VOPP1: variants seen among roughly 807,000 people sequenced by gnomAD.
The protein encoded by VOPP1 is VOPP1 WW domain binding protein.
In VOPP1, 8 loss-of-function variants were observed where a neutral mutation model predicts 23.5. The ratio of observed to expected loss-of-function variants is 0.34; its 90% CI spans 0.20 to 0.61. The LOEUF is 0.61. Ranked by LOEUF, VOPP1 falls within the 20% of genes least tolerant of loss-of-function variation. The pLI is 0.78. For missense variants in VOPP1, 174 were observed against 238.1 expected (o/e 0.73, Z 1.77); for synonymous variants, 83 against 97.3 (o/e 0.85, Z 0.86).
chr7:55,473,113 C>T (rs1791962563), intron 4 of VOPP1, 68 bp from the exon 5 acceptor site: 1 of 1,543,932 alleles, frequency 6.5e-7, no homozygotes, highest in South Asian at 1.3e-5. Context: ...TATGTGCAGG[C>T]TGCAGGGCCA....
intron 4 of VOPP1, among the ~76,000 whole-genome samples, chr7:55,442,231 G>T (rs1041482170): frequency 2.0e-5 from 3 of 152,118 alleles, no homozygotes; most frequent in Non-Finnish European, 4.4e-5. Flanking sequence ...CGGGGCAGAG[G>T]TTCCATCAGA....
chr7:55,475,196 A>C (rs1195311956), intron 4 of VOPP1, among the ~76,000 whole-genome samples: 1 of 152,142 alleles, frequency 6.6e-6, no homozygotes, highest in Non-Finnish European at 1.5e-5. Context: ...GACAGAGAGA[A>C]CTTTCGGGGA....
At chr7:55,516,287 C>G (rs999825369) in intron 2 of VOPP1, among the ~76,000 whole-genome samples, 3 of 152,036 alleles carry the variant, frequency 2.0e-5, no homozygotes, top group Non-Finnish European at 4.4e-5. Flanking sequence ...TGTTCAGATC[C>G]CAAAGGGTCT....
chr7:55,560,883 A>T (rs1797961765), intron 1 of VOPP1, among the ~76,000 whole-genome samples: 1 of 152,092 alleles, frequency 6.6e-6, no homozygotes, highest in Non-Finnish European at 1.5e-5. Context: ...ACACTCAAGA[A>T]ATGACCCTAA....
intron 4 of VOPP1, among the ~76,000 whole-genome samples, chr7:55,460,815 T>G (rs1214671426): frequency 6.6e-6 from 1 of 152,204 alleles, no homozygotes; most frequent in African/African-American, 2.4e-5. Context: ...TTTCCATTTG[T>G]GTGAAATGTG....
chr7:55,531,230 T>C (rs1796478848), intron 1 of VOPP1, among the ~76,000 whole-genome samples: 1 of 152,250 alleles, frequency 6.6e-6, no homozygotes, highest in Non-Finnish European at 1.5e-5. Flanking sequence ...GAAATATCAG[T>C]GCTACTGTTA....
At chr7:55,481,971 C>T (rs557931241) in intron 4 of VOPP1, among the ~76,000 whole-genome samples, 1 of 152,202 alleles carries the variant, frequency 6.6e-6, no homozygotes, top group African/African-American at 2.4e-5. Flanking sequence ...TTTATTTTTA[C>T]ATTTTGATCA....
Position 55,542,687 on chromosome 7 carries a change from G to C in VOPP1, c.55-21557C>G, listed in dbSNP as rs192262024. The stretch of plus-strand genomic sequence containing the variant: ...GCCTACAATCCCAGCTACTTGGGAA[G>C]CTTTAGGCAGGAGAATCACTTGAAC... On this transcript the variant is annotated intron_variant, in intron 1 of 4. Coordinates refer to ENST00000285279, the MANE Select transcript of VOPP1 (RefSeq NM_030796.5). Among the ~76,000 whole-genome samples, 25 of 152,132 alleles carry C rather than the reference G, an allele frequency of 1.6e-4. No homozygotes were observed. The East Asian group carries it at 4.7e-3, about 28-fold the overall frequency.
chr7:55,530,402 G>T (rs889906389), intron 1 of VOPP1, among the ~76,000 whole-genome samples: 8 of 152,134 alleles, frequency 5.3e-5, no homozygotes, highest in African/African-American at 1.9e-4. Flanking sequence ...GCCATACATG[G>T]AATGCCTGTG....
At chr7:55,512,246 T>C (rs1795117915) in intron 2 of VOPP1, among the ~76,000 whole-genome samples, 3 of 152,046 alleles carry the variant, frequency 2.0e-5, no homozygotes, top group Admixed American at 2.0e-4. Context: ...GCCAACATGG[T>C]GAAGCCCCAT....
chr7:55,552,842 C>T lies in VOPP1; in HGVS notation c.54+19429G>A, dbSNP rs185565966. 177 of 1,428,284 alleles carry T rather than the reference C, an allele frequency of 1.2e-4. 1 individual carries two copies. Among genetic ancestry groups the T allele is most frequent in the Admixed American group, 2.8e-4 (10 of 35,360 alleles). 88.5% of individuals were successfully genotyped at this position (1,428,284 alleles called of 1,614,324 possible). On this transcript the variant is annotated intron_variant, in intron 1 of 4. Transcript: ENST00000285279. ...AGCCATGCTCAACCCAGAAAGGTGA[C>T]GGAGCACTATGGCAACACAACAGGA...
chr7:55,467,838 C>T (rs1024470998), downstream of VOPP1, among the ~76,000 whole-genome samples: 10 of 152,224 alleles, frequency 6.6e-5, no homozygotes, highest in African/African-American at 2.4e-4. Flanking sequence ...TAGTATCCAT[C>T]AAACCTGTTC....
At chr7:55,439,673 C>T (rs1790917245) in intron 4 of VOPP1, among the ~76,000 whole-genome samples, 1 of 152,218 alleles carries the variant, frequency 6.6e-6, no homozygotes. Flanking sequence ...GCCAACACCG[C>T]TGTGGGTGAA....
intron 4 of VOPP1, among the ~76,000 whole-genome samples, chr7:55,460,898 AC>A (rs1291457555): frequency 2.0e-5 from 3 of 152,178 alleles, no homozygotes; most frequent in Middle Eastern, 3.2e-3. Context: ...TCTTGATGGC[AC>A]CATATAGTTG....
intron 2 of VOPP1, among the ~76,000 whole-genome samples, chr7:55,518,748 G>A (rs1250102157): frequency 6.6e-6 from 1 of 152,176 alleles, no homozygotes; most frequent in Non-Finnish European, 1.5e-5. Flanking sequence ...GCCCTCATGA[G>A]ATTCACAATA....
At chr7:55,475,769 T>C (rs1583845434) in intron 4 of VOPP1, among the ~76,000 whole-genome samples, 1 of 151,756 alleles carries the variant, frequency 6.6e-6, no homozygotes, top group African/African-American at 2.4e-5. Context: ...CAAGATGGGG[T>C]AGAAAGGGTA....
At chr7:55,480,232 T>A (rs1792601916) in intron 4 of VOPP1, among the ~76,000 whole-genome samples, 1 of 152,250 alleles carries the variant, frequency 6.6e-6, no homozygotes, top group Non-Finnish European at 1.5e-5. Flanking sequence ...TTAAAGACAT[T>A]CTGGGAGATA....
At chr7:55,554,758 C>A (rs930208227) in intron 1 of VOPP1, among the ~76,000 whole-genome samples, 1 of 152,102 alleles carries the variant, frequency 6.6e-6, no homozygotes, top group East Asian at 1.9e-4. Context: ...ACAACTGGGT[C>A]GATAGGGGCT....
chr7:55,533,586 G>T (rs1209886472), intron 1 of VOPP1, among the ~76,000 whole-genome samples: 1 of 152,154 alleles, frequency 6.6e-6, no homozygotes, highest in Non-Finnish European at 1.5e-5. Context: ...TCCGGACCTA[G>T]GGTCTCACTG....
Sources: allele counts gnomAD v4.1 joint callset (sites outside exome capture counted in the v4.1 genomes callset), GRCh38; gene constraint gnomAD v4.1.1; transcripts MANE v1.5; gene names NCBI Gene and HGNC (gene_info 2026-07-23, HGNC 2026-07-21).